NIM1K: variants seen among roughly 807,000 people sequenced by gnomAD.
The protein encoded by NIM1K is serine/threonine-protein kinase NIM1.
In NIM1K, 35 loss-of-function variants were observed where a neutral mutation model predicts 37.1. That is an observed-to-expected ratio of 0.94 (90% confidence interval 0.72 to 1.25). The LOEUF (loss-of-function observed/expected upper bound fraction) is 1.25, where lower values mean the gene tolerates loss of function less well. NIM1K is among the 50% of genes most tolerant of loss of function. The pLI is 0.00. For missense variants in NIM1K, 564 were observed against 548.0 expected (o/e 1.03, Z -0.29); for synonymous variants, 234 against 206.6 (o/e 1.13, Z -1.14).
At chr5:43,204,732 TGTG>T (rs147217974) in intron 1 of NIM1K, among the ~76,000 whole-genome samples, 9,790 of 129,054 alleles carry the variant, frequency 0.076, 633 homozygotes, top group African/African-American at 0.2. Context: ...CACAGCTGGG[TGTG>T]GTGGCTCACG....
intron 1 of NIM1K, among the ~76,000 whole-genome samples, chr5:43,199,432 A>G (rs754398910): frequency 2.0e-5 from 3 of 151,898 alleles, no homozygotes; most frequent in Non-Finnish European, 4.4e-5. Flanking sequence ...TAAGCAATTA[A>G]GAGCTTTGTT....
intron 1 of NIM1K, among the ~76,000 whole-genome samples, chr5:43,210,818 C>G (rs1261203302): frequency 2.6e-5 from 4 of 152,140 alleles, no homozygotes; most frequent in Non-Finnish European, 4.4e-5. Flanking sequence ...AATTAAGACC[C>G]AACCCCCCAG....
At chr5:43,216,259 A>G (rs935347658) in intron 1 of NIM1K, among the ~76,000 whole-genome samples, 1 of 151,656 alleles carries the variant, frequency 6.6e-6, no homozygotes, top group African/African-American at 2.4e-5. Context: ...GGTGAGTCTG[A>G]CTCTGTGTTT....
intron 1 of NIM1K, among the ~76,000 whole-genome samples, chr5:43,199,152 T>C (rs79239412): frequency 0.058 from 7,689 of 132,398 alleles, 301 homozygotes; most frequent in East Asian, 0.2. Context: ...TGTGCCATTG[T>C]ACTCCAGCCT....
chr5:43,212,366 G>C (rs1752217137), intron 1 of NIM1K, among the ~76,000 whole-genome samples: 1 of 152,140 alleles, frequency 6.6e-6, no homozygotes, highest in South Asian at 2.1e-4. Context: ...CTGTTGCAGA[G>C]GCCCTCTATC....
chr5:43,278,324 C>T (rs533866698), intron 3 of NIM1K, among the ~76,000 whole-genome samples: 1 of 152,274 alleles, frequency 6.6e-6, no homozygotes, highest in South Asian at 2.1e-4. Context: ...GGATTACAGG[C>T]GTGAGCCACC....
intron 1 of NIM1K, among the ~76,000 whole-genome samples, chr5:43,242,084 C>A (rs1365435150): frequency 6.6e-6 from 1 of 152,014 alleles, no homozygotes; most frequent in African/African-American, 2.4e-5. Context: ...TAACTGTCTC[C>A]TCGACCACTA....
intron 1 of NIM1K, among the ~76,000 whole-genome samples, chr5:43,214,953 G>C (rs1162569797): frequency 6.6e-6 from 1 of 152,096 alleles, no homozygotes; most frequent in Non-Finnish European, 1.5e-5. Flanking sequence ...CAGAGGTGGG[G>C]GTAGATGTGA....
chr5:43,267,654 T>C (rs185838402), intron 2 of NIM1K, among the ~76,000 whole-genome samples: 3 of 152,312 alleles, frequency 2.0e-5, no homozygotes, highest in East Asian at 1.9e-4. Context: ...CTGTGTCATA[T>C]TATCATTCAT....
At chr5:43,250,196 A>G (rs999434826) in intron 2 of NIM1K, among the ~76,000 whole-genome samples, 15 of 152,188 alleles carry the variant, frequency 9.9e-5, no homozygotes, top group African/African-American at 3.6e-4. Context: ...CTGTTGCTCC[A>G]TGAACACTAT....
intron 3 of NIM1K, 82 bp downstream of exon 3, chr5:43,277,407 G>C: frequency 1.4e-6 from 2 of 1,439,984 alleles, no homozygotes; most frequent in Non-Finnish European, 1.9e-6. Flanking sequence ...TAACCCTCAA[G>C]TGTCCCAGAG....
In NIM1K at chr5:43,210,679, A is replaced by G. The variant is rs147456819; in HGVS notation, c.-695+18268A>G. Among the ~76,000 whole-genome samples the G allele has an allele frequency of 2.0e-5, 3 of 152,264 alleles. No individual in the cohort carries two copies. The East Asian group carries it at 5.8e-4, about 29-fold the overall frequency. On this transcript the variant is annotated intron_variant, in intron 1 of 3. Transcript: ENST00000326035. ...ACATAGAAGCATGAAACTGCATGGG[A>G]TTGTAGGCGAGCCAAGGGGAAATTT... is the stretch of plus-strand genomic sequence containing the variant.
chr5:43,271,207 T>C (rs1189335469), intron 2 of NIM1K, among the ~76,000 whole-genome samples: 5 of 152,100 alleles, frequency 3.3e-5, no homozygotes, highest in Admixed American at 1.3e-4. Flanking sequence ...TAATGTGAAA[T>C]GACTCACAAG....
intron 1 of NIM1K, among the ~76,000 whole-genome samples, chr5:43,215,050 T>G (rs1228295616): frequency 6.6e-6 from 1 of 152,220 alleles, no homozygotes; most frequent in Non-Finnish European, 1.5e-5. Context: ...TGCATTTAAA[T>G]AATGTCCAGT....
chr5:43,273,183 C>T (rs949962973), intron 2 of NIM1K, among the ~76,000 whole-genome samples: 7 of 151,920 alleles, frequency 4.6e-5, no homozygotes, highest in Admixed American at 4.6e-4. Flanking sequence ...CTGCACTTCT[C>T]ACATCTTGCC....
intron 1 of NIM1K, chr5:43,206,679 C>G (rs935950887): frequency 5.8e-6 from 4 of 691,076 alleles, no homozygotes; most frequent in African/African-American, 3.5e-5. Context: ...CAAGGCCACT[C>G]CCCCAGGTAT....
At chr5:43,234,312 A>G (rs1438930651) in intron 1 of NIM1K, among the ~76,000 whole-genome samples, 1 of 152,082 alleles carries the variant, frequency 6.6e-6, no homozygotes, top group Non-Finnish European at 1.5e-5. Flanking sequence ...CTGTTGTAAA[A>G]CGCCTAGCAT....
At chr5:43,212,423 C>T (rs904645933) in intron 1 of NIM1K, among the ~76,000 whole-genome samples, 6 of 151,708 alleles carry the variant, frequency 4.0e-5, no homozygotes, top group Non-Finnish European at 8.9e-5. Flanking sequence ...AATACTCTCA[C>T]GTGAGGACCA....
intron 1 of NIM1K, among the ~76,000 whole-genome samples, chr5:43,236,562 G>T (rs1752624676): frequency 6.6e-6 from 1 of 152,232 alleles, no homozygotes; most frequent in Non-Finnish European, 1.5e-5. Flanking sequence ...CTGCATTCTG[G>T]CATGGCTGCC....
Sources: gnomAD v4.1 joint callset for allele counts (sites outside exome capture counted in the v4.1 genomes callset) on GRCh38, gnomAD v4.1.1 for gene constraint, MANE v1.5 for transcripts, NCBI Gene and HGNC (gene_info 2026-07-23, HGNC 2026-07-21) for gene names.